The following OR6A2 variants were observed in gnomAD, a reference collection of about 807,000 sequenced individuals.
OR6A2 encodes the protein olfactory receptor 6A2.
In OR6A2, 6 loss-of-function variants were observed where a neutral mutation model predicts 7.1. The ratio of observed to expected loss-of-function variants is 0.85; its 90% CI spans 0.46 to 1.68. OR6A2 has a LOEUF of 1.68. Among genes scored for constraint, OR6A2 ranks in the 40% most tolerant of loss-of-function variants. OR6A2 has a pLI of 0.01. For synonymous variants in OR6A2, 162 were observed against 152.1 expected (o/e 1.06, Z -0.48); for missense variants, 431 against 398.0 (o/e 1.08, Z -0.71).
chr11:6,795,256 A>G lies in OR6A2; in HGVS notation c.453T>C (p.Ala151=). The change falls in exon 2 of 2, where the codon GCT becomes GCC. Residue 151 remains alanine, a synonymous_variant. Coordinates refer to ENST00000641196, the MANE Select transcript of OR6A2 (RefSeq NM_003696.3). The part of the protein sequence containing the change: ...VSGRLCVQMA[A]GSWAGGFGIS... ...TGCCAAAACCTCCAGCCCAAGAGCC[A>G]GCAGCCATCTGCACACACAGCCGGC... The G allele has an allele frequency of 6.2e-7, 1 of 1,613,088 alleles. No individual in the cohort carries two copies.
In OR6A2 at chr11:6,792,100, G is replaced by C. The variant is rs142836521; in HGVS notation, c.*2625C>G. On this transcript the variant is annotated 3_prime_UTR_variant, in exon 2 of 2. Transcript: ENST00000641196. ...GTCTTTACTTGTTCATAACTGTAAGGGTTTTTTAATGAAGGGAAATAGGGT... is the reference window on the plus strand; with the variant it reads ...GTCTTTACTTGTTCATAACTGTAAGCGTTTTTTAATGAAGGGAAATAGGGT... 7 of 152,194 alleles carry C rather than the reference G, an allele frequency of 4.6e-5. No individual in the cohort carries two copies. The East Asian group carries it at 9.6e-4, about 21-fold the overall frequency. The allele number at this position is 152,194 out of a possible 1,614,324, so 9.4% of individuals were successfully genotyped here. A position where few individuals can be genotyped will look rare whatever the true frequency, so the allele number is the denominator to read the frequency against.
intron 1 of OR6A2, among the ~76,000 whole-genome samples, chr11:6,799,145 G>T (rs913026825): frequency 2.0e-5 from 3 of 152,100 alleles, no homozygotes; most frequent in African/African-American, 7.2e-5. Context: ...GATAAAACAT[G>T]AGGAAGTTAG....
Position 6,794,938 on chromosome 11 carries a change from A to G in OR6A2, c.771T>C (p.Tyr257=), listed in dbSNP as rs760183611. 2 of 1,614,166 alleles carry G rather than the reference A, an allele frequency of 1.2e-6. No individual in the cohort carries two copies. The highest frequency in any genetic ancestry group is 1.7e-6 in the Non-Finnish European group (2 of 1,180,004). ...ASHLTVVIIF[Y]AASIFIYARP... ...GAGCATAGATGAAGATACTGGCTGCATAGAAGATTATCACAACAGTGAGAT... is the reference window on the plus strand; with the variant it reads ...GAGCATAGATGAAGATACTGGCTGCGTAGAAGATTATCACAACAGTGAGAT... Residue 257 remains tyrosine (Y), a synonymous_variant, in exon 2 of 2, where the codon TAT becomes TAC. Coordinates refer to ENST00000641196, the MANE Select transcript of OR6A2 (RefSeq NM_003696.3).
chr11:6,798,566 G>A (rs1177197149), intron 1 of OR6A2, among the ~76,000 whole-genome samples: 2 of 152,118 alleles, frequency 1.3e-5, no homozygotes, highest in South Asian at 2.1e-4. Flanking sequence ...TATAGAAACT[G>A]CTGACAACAA....
chr11:6,799,418 T>C (rs895725745), intron 1 of OR6A2, 126 bp downstream of exon 1: 3 of 152,080 alleles, frequency 2.0e-5, no homozygotes, highest in Admixed American at 1.3e-4. Context: ...TGGAAAATAT[T>C]GAGAGGTTTG....
Position 6,795,761 on chromosome 11 carries a change from T to A in OR6A2, c.-53A>T. On this transcript the variant is annotated 5_prime_UTR_variant, in exon 2 of 2. Coordinates refer to ENST00000641196, the MANE Select transcript of OR6A2 (RefSeq NM_003696.3). ...GGAGATGAGAGTAGAGAGTCTTCAGTAGGCCACAACAAGAACCCAGCCTTT... is the reference window on the plus strand; with the variant it reads ...GGAGATGAGAGTAGAGAGTCTTCAGAAGGCCACAACAAGAACCCAGCCTTT... 20 of 1,560,574 alleles carry A rather than the reference T, an allele frequency of 1.3e-5. No individual in the cohort carries two copies. The highest frequency in any genetic ancestry group is 1.8e-5 in the Non-Finnish European group (20 of 1,139,390).
chr11:6,797,868 C>T (rs1847762811), intron 1 of OR6A2, among the ~76,000 whole-genome samples: 1 of 152,184 alleles, frequency 6.6e-6, no homozygotes, highest in South Asian at 2.1e-4. Flanking sequence ...CATAGCTTTC[C>T]TCATGCTGCA....
intron 1 of OR6A2, among the ~76,000 whole-genome samples, chr11:6,796,861 C>A (rs79922273): frequency 0.019 from 2,871 of 152,124 alleles, 90 homozygotes; most frequent in African/African-American, 0.066. Context: ...TTACCCTGTT[C>A]CCCTGTACAG....
In OR6A2 at chr11:6,795,328, G is replaced by A; in HGVS notation, c.381C>T (p.Arg127=). Residue 127 remains arginine, a synonymous_variant, in exon 2 of 2, where the codon CGC becomes CGT. Coordinates refer to ENST00000641196, the MANE Select transcript of OR6A2 (RefSeq NM_003696.3). Reference sequence around the variant, plus strand: ...GGAGAGGATAGCAGATGGCCATATAGCGATCATAGGCCATAACAGCGAGAA... The same window carrying A: ...GGAGAGGATAGCAGATGGCCATATAACGATCATAGGCCATAACAGCGAGAA... ...CVLLAVMAYD[R]YMAICYPLHY... The A allele has an allele frequency of 1.2e-6, 2 of 1,614,018 alleles. No homozygotes were observed. The highest frequency in any genetic ancestry group is 1.7e-6 in the Non-Finnish European group (2 of 1,180,000).
In OR6A2 at chr11:6,795,636, G is replaced by C; in HGVS notation, c.73C>G (p.Gln25Glu). The C allele has an allele frequency of 6.2e-7, 1 of 1,613,990 alleles. No individual in the cohort carries two copies. The highest frequency in any genetic ancestry group is 8.5e-7 in the Non-Finnish European group (1 of 1,179,918). The change falls in exon 2 of 2, where the codon CAG becomes GAG. Residue 25 changes from glutamine (Q) to glutamate (E), a missense_variant. Transcript: ENST00000641196. ...AGCAAAAGGGCAAACAATAGTACCT[G>C]TAGTGGCGCAGGAGCAGGGAAGCCC... ...LLGFPAPAPL[Q>E]VLLFALLLLA...
chr11:6,795,530 A>G lies in OR6A2; in HGVS notation c.179T>C (p.Met60Thr), dbSNP rs771243687. The change falls in exon 2 of 2, where the codon ATG (methionine) becomes ACG (threonine). Residue 60 changes from methionine (M) to threonine (T), a missense_variant. Physicochemically the swap from Met to Thr is moderately conservative, Grantham distance 81. Transcript: ENST00000641196. ...IRNHSTLHKP[M>T]YFFLANMSFL... ...GGACATATTAGCTAGAAAAAAGTAC[A>G]TGGGTTTGTGGAGGGTAGAATGGTT... 1.9e-6 allele frequency: 3 copies of G among 1,613,996 alleles called. No individual in the cohort carries two copies. Among genetic ancestry groups the G allele is most frequent in the East Asian group, 2.2e-5 (1 of 44,892 alleles).
At chr11:6,798,824 A>G (rs1847771488) in intron 1 of OR6A2, among the ~76,000 whole-genome samples, 1 of 152,168 alleles carries the variant, frequency 6.6e-6, no homozygotes, top group Admixed American at 6.5e-5. Context: ...CCATATTTCT[A>G]TACACTAGAT....
rs1319007766 is a variant in OR6A2 at position 6,794,919 on chromosome 11, A to AGATGAAGATACTGGCTGCAAG, written c.789_790insCTTGCAGCCAGTATCTTCATC (p.Ile263_Tyr264insLeuAlaAlaSerIlePheIle). The stretch of plus-strand genomic sequence containing the variant: ...GCTGAGAGTGCCTTTGGCCGAGCAT[A>AGATGAAGATACTGGCTGCAAG]GATGAAGATACTGGCTGCATAGAAG... On this transcript the variant is annotated inframe_insertion, in exon 2 of 2. Transcript: ENST00000641196. 6.2e-7 allele frequency: 1 copy of AGATGAAGATACTGGCTGCAAG among 1,614,154 alleles called. No homozygotes were observed. The highest frequency in any genetic ancestry group is 8.5e-7 in the Non-Finnish European group (1 of 1,180,002).
At position 6,794,858 on chromosome 11, in the gene OR6A2, G is replaced by T; in HGVS notation, c.851C>A (p.Ala284Asp). 4 of 1,614,138 alleles carry T rather than the reference G, an allele frequency of 2.5e-6. No individual in the cohort carries two copies. Among genetic ancestry groups the T allele is most frequent in the Non-Finnish European group, 3.4e-6 (4 of 1,180,000 alleles). ...GGGATTGAGCAATGGTACAATGACA[G>T]CATACAGTACAGAGACCAACTTGTT... The part of the protein sequence containing the change: ...DTNKLVSVLY[A>D]VIVPLLNPII... The change falls in exon 2 of 2, where the codon GCT becomes GAT. Residue 284 changes from alanine (A) to aspartate (D), a missense_variant. By Grantham distance (126) the Ala-to-Asp change is moderately radical (BLOSUM62 -2). Coordinates refer to ENST00000641196, the MANE Select transcript of OR6A2 (RefSeq NM_003696.3).
chr11:6,795,028 A>G lies in OR6A2; in HGVS notation c.681T>C (p.Thr227=), dbSNP rs1335931931. ...CCGAAGGAATGTGCATCACAGCACC[A>G]GTAATGGCCACATAGGAGGCCCCAG... ...SVTGASYVAI[T]GAVMHIPSAA... is the part of the protein sequence containing the mutation. Residue 227 remains threonine (T), a synonymous_variant, in exon 2 of 2, where the codon ACT becomes ACC. Transcript: ENST00000641196. The G allele has an allele frequency of 2.5e-6, 4 of 1,614,166 alleles. No individual in the cohort carries two copies. The South Asian group carries it at 3.3e-5, about 13-fold the overall frequency.
chr11:6,798,208 TC>T (rs1847766542), intron 1 of OR6A2, among the ~76,000 whole-genome samples: 1 of 152,138 alleles, frequency 6.6e-6, no homozygotes, highest in African/African-American at 2.4e-5. Context: ...GAATAACCTT[TC>T]CCAAGCAAGT....
In OR6A2 at chr11:6,795,771, C is replaced by G. The variant is rs1564905092; in HGVS notation, c.-63G>C. On this transcript the variant is annotated 5_prime_UTR_variant, in exon 2 of 2. Coordinates refer to ENST00000641196, the MANE Select transcript of OR6A2 (RefSeq NM_003696.3). ...GTAGAGAGTCTTCAGTAGGCCACAA[C>G]AAGAACCCAGCCTTTCTCTTAATGG... The G allele has an allele frequency of 6.6e-7, 1 of 1,505,252 alleles. No individual in the cohort carries two copies. The highest frequency in any genetic ancestry group is 9.1e-7 in the Non-Finnish European group (1 of 1,094,510). 93.2% of individuals were successfully genotyped at this position (1,505,252 alleles called of 1,614,324 possible). A position where few individuals can be genotyped will look rare whatever the true frequency, so the allele number is the denominator to read the frequency against.
In OR6A2 at chr11:6,792,421, C is replaced by T. The variant is rs919024587; in HGVS notation, c.*2304G>A. ...TGGAAACCACTAGACACCTGGAGCACAGAAGTCATTTATATTAATCCTCAC... is the reference window on the plus strand; with the variant it reads ...TGGAAACCACTAGACACCTGGAGCATAGAAGTCATTTATATTAATCCTCAC... On this transcript the variant is annotated 3_prime_UTR_variant, in exon 2 of 2. Transcript: ENST00000641196. The T allele has an allele frequency of 1.3e-5, 2 of 152,208 alleles. No individual in the cohort carries two copies. The highest frequency in any genetic ancestry group is 4.8e-5 in the African/African-American group (2 of 41,464). The allele number at this position is 152,208 out of a possible 1,614,324, so 9.4% of individuals were successfully genotyped here. A position where few individuals can be genotyped will look rare whatever the true frequency, so the allele number is the denominator to read the frequency against.
rs1317387513 is a variant in OR6A2, at chr11:6,795,298, G to A, written c.411C>T (p.Tyr137=). The A allele has an allele frequency of 1.2e-6, 2 of 1,614,036 alleles. No individual in the cohort carries two copies. The highest frequency in any genetic ancestry group is 1.7e-6 in the Non-Finnish European group (2 of 1,180,000). ...ACAGCCGGCCACTGACAATGACTGGGTAGTGGAGAGGATAGCAGATGGCCA... is the reference window on the plus strand; with the variant it reads ...ACAGCCGGCCACTGACAATGACTGGATAGTGGAGAGGATAGCAGATGGCCA... ...RYMAICYPLH[Y]PVIVSGRLCV... The change falls in exon 2 of 2, where the codon TAC becomes TAT. Residue 137 remains tyrosine (Y), a synonymous_variant. Transcript: ENST00000641196.
Sources: allele counts gnomAD v4.1 joint callset (sites outside exome capture counted in the v4.1 genomes callset), GRCh38; gene constraint gnomAD v4.1.1; transcripts MANE v1.5; gene names NCBI Gene and HGNC (gene_info 2026-07-23, HGNC 2026-07-21).